Variants in HS3ST5 observed in about 807,000 individuals in gnomAD.
HS3ST5 encodes heparan sulfate glucosamine 3-O-sulfotransferase 5.
A neutral mutation model predicts 25.4 loss-of-function variants in HS3ST5; 10 were observed. The observed-to-expected ratio is 0.39, with a 90% confidence interval of 0.24 to 0.67. HS3ST5 has a LOEUF of 0.67. Among genes scored for constraint, HS3ST5 ranks in the 30% least tolerant of loss-of-function variants. The pLI is 0.44. For synonymous variants in HS3ST5, 170 were observed against 162.4 expected (o/e 1.05, Z -0.36); for missense variants, 324 against 420.7 (o/e 0.77, Z 2.01).
intron 1 of HS3ST5, among the ~76,000 whole-genome samples, chr6:114,253,057 T>A (rs146014811): frequency 1.7e-3 from 266 of 152,042 alleles, no homozygotes; most frequent in African/African-American, 6.2e-3. Flanking sequence ...GGTATTGTAG[T>A]GTATGTCTGT....
intron 2 of HS3ST5, among the ~76,000 whole-genome samples, chr6:114,225,123 T>C (rs1049823516): frequency 6.6e-6 from 1 of 151,864 alleles, no homozygotes; most frequent in Non-Finnish European, 1.5e-5. Flanking sequence ...CTATTCATTG[T>C]TGGGTATCTC....
At chr6:114,209,935 T>A (rs761847607) in intron 2 of HS3ST5, among the ~76,000 whole-genome samples, 1 of 152,188 alleles carries the variant, frequency 6.6e-6, no homozygotes, top group Non-Finnish European at 1.5e-5. Context: ...GAACTTTCAA[T>A]GTATCTTGGG....
chr6:114,220,708 A>G (rs901183874), intron 2 of HS3ST5: 1 of 151,968 alleles, frequency 6.6e-6, no homozygotes, highest in African/African-American at 2.4e-5. Flanking sequence ...CTTCTGTCCA[A>G]ATACTAAACA....
chr6:114,272,217 C>G (rs1263288470), intron 1 of HS3ST5, among the ~76,000 whole-genome samples: 1 of 152,028 alleles, frequency 6.6e-6, no homozygotes, highest in African/African-American at 2.4e-5. Flanking sequence ...TGGATTGAAT[C>G]CTAGATTTGG....
At chr6:114,336,641 T>C (rs1402843664) in intron 1 of HS3ST5, among the ~76,000 whole-genome samples, 1 of 152,018 alleles carries the variant, frequency 6.6e-6, no homozygotes, top group Non-Finnish European at 1.5e-5. Flanking sequence ...ATTAATTAAA[T>C]TACTAAGAAC....
At chr6:114,247,757 C>A (rs980972145) in intron 1 of HS3ST5, among the ~76,000 whole-genome samples, 1 of 150,738 alleles carries the variant, frequency 6.6e-6, no homozygotes, top group African/African-American at 2.4e-5. Flanking sequence ...TATTTAATAT[C>A]CATATTTTTT....
chr6:114,253,711 G>A (rs2114636507), intron 1 of HS3ST5, among the ~76,000 whole-genome samples: 1 of 152,288 alleles, frequency 6.6e-6, no homozygotes, highest in East Asian at 1.9e-4. Context: ...GATTCAATTA[G>A]TGTTTTAGGT....
At chr6:114,105,161 A>G (rs1380630974) in intron 3 of HS3ST5, among the ~76,000 whole-genome samples, 1 of 152,230 alleles carries the variant, frequency 6.6e-6, no homozygotes, top group African/African-American at 2.4e-5. Context: ...GGAAAAATAC[A>G]TTAGGAAAAA....
At chr6:114,084,360 A>G (rs1320400524) in intron 3 of HS3ST5, 4 of 757,460 alleles carry the variant, frequency 5.3e-6, no homozygotes, top group Non-Finnish European at 9.7e-6. Flanking sequence ...GAGCTGAATC[A>G]GTCCATTCAC....
intron 2 of HS3ST5, among the ~76,000 whole-genome samples, chr6:114,228,384 A>G (rs551434913): frequency 6.0e-4 from 92 of 152,278 alleles, no homozygotes; most frequent in Non-Finnish European, 7.8e-4. Flanking sequence ...TTGTATTTAC[A>G]TTTACATGAC....
chr6:114,092,826 C>T, intron 3 of HS3ST5, among the ~76,000 whole-genome samples: 1 of 151,774 alleles, frequency 6.6e-6, no homozygotes, highest in Non-Finnish European at 1.5e-5. Context: ...CAGGCACATA[C>T]CACTATACCC....
intron 2 of HS3ST5, among the ~76,000 whole-genome samples, chr6:114,176,329 A>G (rs1371190986): frequency 6.6e-6 from 1 of 152,206 alleles, no homozygotes; most frequent in Non-Finnish European, 1.5e-5. Flanking sequence ...TCCAATGTCT[A>G]TCATCTACTA....
At chr6:114,264,057 A>C (rs772112268) in intron 1 of HS3ST5, among the ~76,000 whole-genome samples, 3 of 152,206 alleles carry the variant, frequency 2.0e-5, no homozygotes, top group Non-Finnish European at 2.9e-5. Flanking sequence ...TGTCTAAACA[A>C]ATACTTTTTA....
intron 1 of HS3ST5, among the ~76,000 whole-genome samples, chr6:114,329,485 T>C (rs569692397): frequency 3.3e-4 from 50 of 152,286 alleles, no homozygotes; most frequent in African/African-American, 1.2e-3. Flanking sequence ...CTGGCACTGA[T>C]TTCTGTGTCC....
At chr6:114,099,608 T>A (rs1394449089) in intron 3 of HS3ST5, among the ~76,000 whole-genome samples, 1 of 152,140 alleles carries the variant, frequency 6.6e-6, no homozygotes, top group Admixed American at 6.5e-5. Flanking sequence ...TCAAACTAAG[T>A]GGATTCAGCT....
chr6:114,134,831 CCA>C (rs1277044974), intron 3 of HS3ST5, among the ~76,000 whole-genome samples: 1 of 152,206 alleles, frequency 6.6e-6, no homozygotes. Context: ...CTCTTTTCCT[CCA>C]GTGTCCTGAA....
At chr6:114,304,461 T>C (rs1775209431) in intron 1 of HS3ST5, among the ~76,000 whole-genome samples, 1 of 152,136 alleles carries the variant, frequency 6.6e-6, no homozygotes, top group South Asian at 2.1e-4. Flanking sequence ...AAATTTTTAA[T>C]GCCTCTATAC....
Position 114,166,629 on chromosome 6 carries a change from G to A in HS3ST5, c.-33+1722C>T, listed in dbSNP as rs375834289. Among the ~76,000 whole-genome samples the A allele has an allele frequency of 1.5e-4, 23 of 152,220 alleles. No individual in the cohort carries two copies. In the South Asian group the frequency reaches 3.5e-3, roughly 23 times the overall value. On this transcript the variant is annotated intron_variant, in intron 3 of 4. Coordinates refer to ENST00000312719, the MANE Select transcript of HS3ST5 (RefSeq NM_153612.4). ...TATTACACAGGGTGAGGGAGGGACC[G>A]TAAAAGGACCAATCTCACAGTGAAC...
chr6:114,208,670 C>T (rs762827694), intron 2 of HS3ST5, among the ~76,000 whole-genome samples: 9 of 152,114 alleles, frequency 5.9e-5, no homozygotes, highest in Non-Finnish European at 8.8e-5. Context: ...GCTATAGATA[C>T]GTTTGTTGGT....
Sources: gnomAD v4.1 joint callset for allele counts (sites outside exome capture counted in the v4.1 genomes callset) on GRCh38, gnomAD v4.1.1 for gene constraint, MANE v1.5 for transcripts, NCBI Gene and HGNC (gene_info 2026-07-23, HGNC 2026-07-21) for gene names.